MYO6: variants seen among roughly 807,000 people sequenced by gnomAD.
MYO6 encodes the protein myosin VI.
A neutral mutation model predicts 178.7 loss-of-function variants in MYO6; 74 were observed. The observed-to-expected ratio is 0.41, with a 90% CI of 0.34 to 0.50. MYO6 has a LOEUF of 0.50. Ranked by LOEUF, MYO6 falls within the 20% of genes least tolerant of loss-of-function variation. The pLI is 0.09. For synonymous variants in MYO6, 477 were observed against 504.6 expected (o/e 0.95, Z 0.73); for missense variants, 1,330 against 1,547.4 (o/e 0.86, Z 2.36).
In MYO6 at chr6:75,890,111, A is replaced by G. The variant is rs746285507; in HGVS notation, c.2713A>G (p.Ser905Gly). 3.7e-6 allele frequency: 6 copies of G among 1,614,010 alleles called. No homozygotes were observed. Among genetic ancestry groups the G allele is most frequent in the Non-Finnish European group, 5.1e-6 (6 of 1,179,990 alleles). Residue 905 changes from serine (S) to glycine (G), a missense_variant, in exon 26 of 35, where the codon AGC (serine) becomes GGC (glycine). Transcript: ENST00000369977. ...IQKEYDALVK[S>G]SEELLSALQK... ...GAAAGAATATGATGCACTGGTTAAA[A>G]GCTCAGAGGAACTCCTCAGTGCATT...
chr6:75,904,084 T>C (rs1581974262), intron 30 of MYO6, among the ~76,000 whole-genome samples: 1 of 152,228 alleles, frequency 6.6e-6, no homozygotes, highest in East Asian at 1.9e-4. Flanking sequence ...GTAGAGTTTC[T>C]GCCAAGAGAT....
At chr6:75,892,236 G>T (rs141827288) in intron 27 of MYO6, among the ~76,000 whole-genome samples, 2 of 152,334 alleles carry the variant, frequency 1.3e-5, no homozygotes, top group Non-Finnish European at 2.9e-5. Flanking sequence ...TTAATGGGAT[G>T]CCTAAGATAC....
intron 23 of MYO6, among the ~76,000 whole-genome samples, chr6:75,882,384 A>G (rs1436326453): frequency 6.6e-6 from 1 of 152,162 alleles, no homozygotes; most frequent in African/African-American, 2.4e-5. Flanking sequence ...GAAGCCTTTT[A>G]TAACTTTCCT....
At position 75,855,244 on chromosome 6, in the gene MYO6, T is replaced by C. The variant is rs1207668356; in HGVS notation, c.1184T>C (p.Met395Thr). The C allele has an allele frequency of 6.2e-7, 1 of 1,613,584 alleles. No homozygotes were observed. The highest frequency in any genetic ancestry group is 1.3e-5 in the African/African-American group (1 of 74,910). ...DLRVSLTTRVMLTTAGGTKGT... is the reference protein window; with the variant it reads ...DLRVSLTTRVTLTTAGGTKGT... Reference sequence around the variant, plus strand: ...CGAGTAAGTTTGACCACAAGAGTCATGCTAACAACAGCAGGGGGCACCAAA... The same window carrying C: ...CGAGTAAGTTTGACCACAAGAGTCACGCTAACAACAGCAGGGGGCACCAAA... Residue 395 changes from methionine to threonine, a missense_variant, in exon 12 of 35, where the codon ATG (methionine) becomes ACG (threonine). Around this residue, in one of 3 missense-constraint regions of MYO6, gnomAD observed 613 missense variants for 816.8 expected, o/e 0.75. Transcript: ENST00000369977.
intron 1 of MYO6, among the ~76,000 whole-genome samples, chr6:75,810,422 T>C (rs971199169): frequency 2.0e-5 from 3 of 152,182 alleles, no homozygotes; most frequent in Admixed American, 2.0e-4. Context: ...TTGAAATGTG[T>C]CTTATTGCTG....
intron 1 of MYO6, among the ~76,000 whole-genome samples, chr6:75,804,668 T>A (rs1769824804): frequency 6.6e-6 from 1 of 152,064 alleles, no homozygotes; most frequent in African/African-American, 2.4e-5. Flanking sequence ...CACCTGGCAG[T>A]ATGTGGTACA....
intron 1 of MYO6, among the ~76,000 whole-genome samples, chr6:75,753,847 C>T (rs1421859406): frequency 6.6e-6 from 1 of 152,116 alleles, no homozygotes; most frequent in Non-Finnish European, 1.5e-5. Flanking sequence ...GGACTAGAAT[C>T]TTTAAATATT....
intron 7 of MYO6, among the ~76,000 whole-genome samples, chr6:75,838,775 C>T (rs1380486485): frequency 6.6e-6 from 1 of 151,632 alleles, no homozygotes; most frequent in African/African-American, 2.4e-5. Flanking sequence ...GATTCTCCTG[C>T]CTCAGGCTCC....
chr6:75,911,623 C>A, intron 32 of MYO6, 49 bp from the exon 33 acceptor site: 1 of 1,507,008 alleles, frequency 6.6e-7, no homozygotes, highest in Non-Finnish European at 9.2e-7. Context: ...GCTCATTTAA[C>A]AGTTTTGGCA....
intron 1 of MYO6, among the ~76,000 whole-genome samples, chr6:75,799,923 A>G (rs1160360611): frequency 6.6e-6 from 1 of 152,056 alleles, no homozygotes; most frequent in Non-Finnish European, 1.5e-5. Flanking sequence ...TTCCCCCAAT[A>G]ATTAATTCCA....
At chr6:75,890,610 G>A (rs557958887) in intron 26 of MYO6, among the ~76,000 whole-genome samples, 47 of 152,248 alleles carry the variant, frequency 3.1e-4, no homozygotes, top group Non-Finnish European at 5.6e-4. Context: ...CTCCCAAAGC[G>A]CTTGGATTAC....
chr6:75,849,341 A>G (rs868460114), intron 11 of MYO6, among the ~76,000 whole-genome samples: 1 of 152,216 alleles, frequency 6.6e-6, no homozygotes, highest in Non-Finnish European at 1.5e-5. Context: ...ATATTAAGAC[A>G]TTATTGTACG....
At chr6:75,753,212 A>G (rs1777044460) in intron 1 of MYO6, among the ~76,000 whole-genome samples, 1 of 152,084 alleles carries the variant, frequency 6.6e-6, no homozygotes, top group Non-Finnish European at 1.5e-5. Flanking sequence ...TTGGGTGGCT[A>G]CCATTACGGA....
chr6:75,887,956 G>A (rs1778591396), intron 25 of MYO6, among the ~76,000 whole-genome samples: 1 of 151,160 alleles, frequency 6.6e-6, no homozygotes, highest in African/African-American at 2.4e-5. Context: ...TCCAGCCTGG[G>A]TGACAGAGCA....
chr6:75,836,941 C>T (rs1019648735), intron 7 of MYO6, among the ~76,000 whole-genome samples: 2 of 152,144 alleles, frequency 1.3e-5, no homozygotes, highest in East Asian at 3.9e-4. Context: ...CAACATCATG[C>T]CCTAGATTCA....
At chr6:75,780,662 G>T (rs948540402) in intron 1 of MYO6, among the ~76,000 whole-genome samples, 36 of 152,098 alleles carry the variant, frequency 2.4e-4, no homozygotes, top group African/African-American at 8.7e-4. Context: ...AGCCATTTGG[G>T]TTGAAGAGGG....
intron 20 of MYO6, among the ~76,000 whole-genome samples, chr6:75,875,080 A>G (rs1457580061): frequency 6.6e-6 from 1 of 152,106 alleles, no homozygotes; most frequent in Non-Finnish European, 1.5e-5. Flanking sequence ...GACATATGTT[A>G]TCATTTTTCA....
Position 75,899,502 on chromosome 6 carries a change from A to G in MYO6, c.3176+1091A>G, listed in dbSNP as rs1779564432. 2.0e-5 allele frequency among the ~76,000 whole-genome samples: 3 copies of G among 152,176 alleles called. No homozygotes were observed. The South Asian group carries it at 6.2e-4, about 31-fold the overall frequency. On this transcript the variant is annotated intron_variant, in intron 30 of 34. Coordinates refer to ENST00000369977, the MANE Select transcript of MYO6 (RefSeq NM_004999.4). ...AAAGACAAATAATATTTGAATAAAT[A>G]TAAAAGCATAATTTATTGTTAAGGA...
At chr6:75,760,757 T>C (rs1022217432) in intron 1 of MYO6, among the ~76,000 whole-genome samples, 2 of 152,126 alleles carry the variant, frequency 1.3e-5, no homozygotes, top group African/African-American at 4.8e-5. Context: ...AGGCTTTTTT[T>C]TTTTTAAAGG....
Sources: allele counts gnomAD v4.1 joint callset (sites outside exome capture counted in the v4.1 genomes callset), GRCh38; gene constraint gnomAD v4.1.1; regional missense constraint gnomAD v4.1.1; transcripts MANE v1.5; gene names NCBI Gene and HGNC (gene_info 2026-07-23, HGNC 2026-07-21).